Variants in VPS41 observed in about 807,000 individuals in gnomAD.
VPS41 encodes vacuolar protein sorting-associated protein 41 homolog.
A neutral mutation model predicts 130.9 loss-of-function variants in VPS41; 85 were observed. The observed-to-expected ratio is 0.65, with a 90% CI of 0.55 to 0.78. VPS41 has a LOEUF of 0.78. Ranked by LOEUF, VPS41 falls within the 30% of genes least tolerant of loss-of-function variation. The pLI is 0.00. For missense variants in VPS41, 874 were observed against 1,018.7 expected (o/e 0.86, Z 1.93); for synonymous variants, 335 against 332.9 (o/e 1.01, Z -0.07).
chr7:38,860,863 G>A (rs1786093237), intron 4 of VPS41, among the ~76,000 whole-genome samples: 2 of 151,942 alleles, frequency 1.3e-5, no homozygotes, highest in African/African-American at 2.4e-5. Flanking sequence ...AAAAGCCATG[G>A]CCTAAAGAGA....
rs73121378 is a variant in VPS41 at position 38,820,668 on chromosome 7, A to G, written c.384+535T>C. ...TTCCTTCACATTCTCTTGTGAAATC[A>G]GTCTTTTATGTACCAAATAAATTGG... On this transcript the variant is annotated intron_variant, in intron 6 of 28. Transcript: ENST00000310301. 3.3e-5 allele frequency among the ~76,000 whole-genome samples: 5 copies of G among 152,296 alleles called. No homozygotes were observed. The South Asian group carries it at 8.3e-4, about 25-fold the overall frequency.
intron 24 of VPS41, among the ~76,000 whole-genome samples, chr7:38,743,015 CA>C (rs1443388108): frequency 6.6e-6 from 1 of 151,698 alleles, no homozygotes; most frequent in Non-Finnish European, 1.5e-5. Context: ...TACATGTTTC[CA>C]AAAAAGACTG....
chr7:38,765,705 A>C (rs745517100), intron 15 of VPS41, 44 bp from the exon 16 acceptor site: 5 of 1,225,794 alleles, frequency 4.1e-6, no homozygotes, highest in Non-Finnish European at 5.8e-6. Context: ...TATATATTAA[A>C]AAAACAAAAA....
intron 4 of VPS41, among the ~76,000 whole-genome samples, chr7:38,837,984 T>C (rs1785531181): frequency 6.6e-6 from 1 of 152,158 alleles, no homozygotes; most frequent in Admixed American, 6.5e-5. Flanking sequence ...AAAACCATGA[T>C]TGCAGGAACT....
At chr7:38,748,927 T>A (rs1201828603) in intron 22 of VPS41, among the ~76,000 whole-genome samples, 1 of 151,988 alleles carries the variant, frequency 6.6e-6, no homozygotes, top group Non-Finnish European at 1.5e-5. Context: ...AACGACTCTA[T>A]CCACCTAACT....
At chr7:38,875,313 A>G (rs1334412652) in intron 2 of VPS41, among the ~76,000 whole-genome samples, 3 of 152,170 alleles carry the variant, frequency 2.0e-5, no homozygotes, top group African/African-American at 7.2e-5. Context: ...TCACATTCGT[A>G]TTAAAGTTTT....
In VPS41 at chr7:38,856,900, T is replaced by C. The variant is rs1293177497; in HGVS notation, c.246+5645A>G. ...CAATATTTAGAAGGTAGTGAGCAGA[T>C]AAAAATTACTAGAGAGGGAAGAAAT... On this transcript the variant is annotated intron_variant, in intron 4 of 28. Transcript: ENST00000310301. Among the ~76,000 whole-genome samples the C allele has an allele frequency of 4.6e-5, 7 of 152,282 alleles. No homozygotes were observed. In the East Asian group the frequency reaches 1.2e-3, roughly 25 times the overall value.
intron 10 of VPS41, among the ~76,000 whole-genome samples, chr7:38,788,902 A>T (rs1784486548): frequency 6.6e-6 from 1 of 152,220 alleles, no homozygotes; most frequent in African/African-American, 2.4e-5. Context: ...TATTTACAGA[A>T]ATACAATCAT....
intron 25 of VPS41, among the ~76,000 whole-genome samples, chr7:38,732,128 G>A (rs1040628094): frequency 3.3e-5 from 5 of 152,160 alleles, no homozygotes; most frequent in African/African-American, 4.8e-5. Context: ...TATGAAGTGT[G>A]GATGTAAAGC....
intron 4 of VPS41, among the ~76,000 whole-genome samples, chr7:38,857,396 A>G (rs1417321850): frequency 6.6e-6 from 1 of 152,218 alleles, no homozygotes; most frequent in East Asian, 1.9e-4. Context: ...AAAAACACAT[A>G]AAGGTGAACA....
Position 38,767,604 on chromosome 7 carries a change from G to A in VPS41, c.1186-6C>T. On this transcript the variant is annotated splice_region_variant and splice_polypyrimidine_tract_variant and intron_variant, in intron 14 of 28. Coordinates refer to ENST00000310301, the MANE Select transcript of VPS41 (RefSeq NM_014396.4). Reference sequence around the variant, plus strand: ...ATATATGCCAAGCCAATATCCTAGAGAAAGCCAAATGAAGAAATGTCAAAA... The same window carrying A: ...ATATATGCCAAGCCAATATCCTAGAAAAAGCCAAATGAAGAAATGTCAAAA... 1 of 1,606,078 alleles carries A rather than the reference G, an allele frequency of 6.2e-7. No homozygotes were observed. Among genetic ancestry groups the A allele is most frequent in the Non-Finnish European group, 8.5e-7 (1 of 1,175,124 alleles).
intron 25 of VPS41, among the ~76,000 whole-genome samples, chr7:38,732,796 AAC>A (rs1430361653): frequency 6.6e-6 from 1 of 152,218 alleles, no homozygotes; most frequent in Non-Finnish European, 1.5e-5. Flanking sequence ...AAGTAAATGT[AAC>A]ACAGAAGCTG....
intron 4 of VPS41, among the ~76,000 whole-genome samples, chr7:38,846,684 TA>T (rs1221470731): frequency 7.2e-5 from 11 of 152,098 alleles, no homozygotes; most frequent in African/African-American, 2.2e-4. Context: ...AAAAAGGGAT[TA>T]GGGGAGACAC....
In VPS41 at chr7:38,849,257, C is replaced by T. The variant is rs369905054; in HGVS notation, c.246+13288G>A. Among the ~76,000 whole-genome samples the T allele has an allele frequency of 2.8e-4, 42 of 152,178 alleles. 1 individual carries two copies. The highest frequency in any genetic ancestry group is 8.4e-4 in the African/African-American group (35 of 41,510). ...GTGGGCTGTGGTGCTCCTGACCCCA[C>T]GGCAGCATCTAGGGGTGAATGTTTA... On this transcript the variant is annotated intron_variant, in intron 4 of 28. Transcript: ENST00000310301.
chr7:38,896,179 A>G (rs989364540), intron 2 of VPS41, among the ~76,000 whole-genome samples: 10 of 152,158 alleles, frequency 6.6e-5, no homozygotes, highest in African/African-American at 2.4e-4. Context: ...CACCCTCCTC[A>G]CCTGCAAAAT....
intron 2 of VPS41, among the ~76,000 whole-genome samples, chr7:38,889,934 G>A (rs1786825203): frequency 6.6e-6 from 1 of 152,176 alleles, no homozygotes; most frequent in African/African-American, 2.4e-5. Flanking sequence ...GGAGGGTAAA[G>A]GAACTAAATG....
intron 2 of VPS41, among the ~76,000 whole-genome samples, chr7:38,882,125 C>CCACCACAAGT (rs974465750): frequency 8.5e-5 from 13 of 152,240 alleles, no homozygotes; most frequent in Middle Eastern, 3.4e-3. Context: ...TCAAGCCCCA[C>CCACCACAAGT]CACCACAAGT....
At chr7:38,745,656 A>G (rs1216345645) in intron 22 of VPS41, 43 bp from the exon 23 acceptor site, 5 of 1,445,270 alleles carry the variant, frequency 3.5e-6, no homozygotes, top group South Asian at 1.2e-5. Context: ...AGGCGACCAA[A>G]TAAGAACAAA....
At chr7:38,900,980 G>C (rs7793692) in intron 1 of VPS41, among the ~76,000 whole-genome samples, 94,686 of 152,070 alleles carry the variant, frequency 0.62, 30,839 homozygotes, top group East Asian at 0.89. Context: ...ATCCAAGAAG[G>C]CTGAACTTTG....
Sources: allele counts gnomAD v4.1 joint callset (sites outside exome capture counted in the v4.1 genomes callset), GRCh38; gene constraint gnomAD v4.1.1; transcripts MANE v1.5; gene names NCBI Gene and HGNC (gene_info 2026-07-23, HGNC 2026-07-21).